Variants in MASP1 observed in about 807,000 individuals in gnomAD.
The protein encoded by MASP1 is mannan-binding lectin serine protease 1.
A neutral mutation model predicts 77.1 loss-of-function variants in MASP1; 59 were observed. That is an observed-to-expected ratio of 0.77 (90% CI 0.62 to 0.95). The LOEUF is 0.95. MASP1 is among the 40% of genes least tolerant of loss of function. The probability of loss-of-function intolerance (pLI) is 0.00; values close to 1 mark genes in which losing one functional copy is unlikely to be tolerated. For missense variants in MASP1, 885 were observed against 912.9 expected (o/e 0.97, Z 0.39); for synonymous variants, 362 against 354.5 (o/e 1.02, Z -0.24).
chr3:187,264,651 C>T (rs528685242), intron 2 of MASP1, among the ~76,000 whole-genome samples: 12 of 152,148 alleles, frequency 7.9e-5, no homozygotes, highest in Admixed American at 2.6e-4. Context: ...TAAACATTGC[C>T]GGACTATAAA....
chr3:187,246,833 A>T, intron 8 of MASP1: 1 of 997,200 alleles, frequency 1.0e-6, no homozygotes, highest in Non-Finnish European at 1.2e-6. Flanking sequence ...AAAAATCCAC[A>T]CTCTGTGAGT....
chr3:187,253,124 G>A (rs777627764), intron 6 of MASP1, 44 bp downstream of exon 6: 6 of 1,611,690 alleles, frequency 3.7e-6, no homozygotes, highest in Admixed American at 1.7e-5. Context: ...CTCTGCAAGG[G>A]CTAAGCACAG....
chr3:187,272,088 G>A (rs887272146), intron 2 of MASP1, among the ~76,000 whole-genome samples: 5 of 149,470 alleles, frequency 3.3e-5, no homozygotes, highest in Admixed American at 2.7e-4. Context: ...GAGTGAGTAG[G>A]TGGGTGTAAG....
exon 16 of MASP1, chr3:187,218,539 C>G (rs569114663): frequency 2.0e-5 from 3 of 152,592 alleles, no homozygotes; most frequent in African/African-American, 7.2e-5. Flanking sequence ...GTTTATAGAA[C>G]CAGAGGCAGG....
intron 13 of MASP1, among the ~76,000 whole-genome samples, chr3:187,224,607 A>T (rs1050311880): frequency 3.9e-5 from 6 of 151,918 alleles, no homozygotes; most frequent in Admixed American, 3.9e-4. Flanking sequence ...CGGCCTCCCA[A>T]AGTGCTGGGA....
chr3:187,217,788 A>G (rs1339430085), exon 16 of MASP1: 3 of 152,198 alleles, frequency 2.0e-5, no homozygotes, highest in Non-Finnish European at 4.4e-5. Context: ...GCCTATTTAG[A>G]CATTTTCTCA....
chr3:187,257,676 C>T (rs1022572417), intron 4 of MASP1, among the ~76,000 whole-genome samples: 4 of 152,218 alleles, frequency 2.6e-5, no homozygotes, highest in African/African-American at 7.2e-5. Context: ...TGAGCCACCT[C>T]GCCCGGCCTC....
chr3:187,254,483 A>T (rs2108547305), intron 5 of MASP1, among the ~76,000 whole-genome samples: 1 of 152,270 alleles, frequency 6.6e-6, no homozygotes, highest in South Asian at 2.1e-4. Context: ...GCAGGAATCC[A>T]GGCTGGCTGG....
chr3:187,241,705 C>G, intron 9 of MASP1, 150 bp from the exon 10 acceptor site: 1 of 638,904 alleles, frequency 1.6e-6, no homozygotes, highest in East Asian at 2.9e-5. Context: ...TGTCTCTGAG[C>G]CTAGATGTAC....
chr3:187,278,098 A>G (rs573951358), intron 2 of MASP1, among the ~76,000 whole-genome samples: 51 of 152,336 alleles, frequency 3.3e-4, no homozygotes, highest in African/African-American at 1.2e-3. Flanking sequence ...ACATTAAAGC[A>G]TTTACTTCAT....
intron 4 of MASP1, among the ~76,000 whole-genome samples, chr3:187,260,307 C>T (rs1715452018): frequency 6.6e-6 from 1 of 152,236 alleles, no homozygotes; most frequent in Admixed American, 6.5e-5. Context: ...TCCTCTCTCA[C>T]TTCTTTGCTT....
intron 2 of MASP1, among the ~76,000 whole-genome samples, chr3:187,282,398 G>A (rs530983013): frequency 2.6e-5 from 4 of 151,812 alleles, no homozygotes; most frequent in Non-Finnish European, 5.9e-5. Flanking sequence ...TCAGGAGGCT[G>A]AGGCAGGGGA....
At chr3:187,291,240 C>T (rs1477275074) in intron 1 of MASP1, 2 of 352,752 alleles carry the variant, frequency 5.7e-6, no homozygotes, top group Non-Finnish European at 1.1e-5. Flanking sequence ...ACATATCTAA[C>T]TCACAAAGTG....
At chr3:187,231,107 A>G (rs1007781277), downstream of MASP1, among the ~76,000 whole-genome samples, 2 of 152,234 alleles carry the variant, frequency 1.3e-5, no homozygotes, top group African/African-American at 2.4e-5. Context: ...TCAGAGCCCA[A>G]TGAGTGGGAA....
At chr3:187,252,803 T>C (rs1045207101) in intron 6 of MASP1, among the ~76,000 whole-genome samples, 1 of 152,284 alleles carries the variant, frequency 6.6e-6, no homozygotes, top group Admixed American at 6.5e-5. Flanking sequence ...CACATCCAAA[T>C]TCTAGCCCTA....
rs1234341360 is a variant in MASP1 at position 187,234,096 on chromosome 3, G to C, written c.*1588C>G. 1 of 1,274,584 alleles carries C rather than the reference G, an allele frequency of 7.8e-7. No homozygotes were observed. The highest frequency in any genetic ancestry group is 5.6e-5 in the East Asian group (1 of 17,806). The allele number at this position is 1,274,584 out of a possible 1,614,324, so 79.0% of individuals were successfully genotyped here. A position where few individuals can be genotyped will look rare whatever the true frequency, so the allele number is the denominator to read the frequency against. On this transcript the variant is annotated 3_prime_UTR_variant, in exon 11 of 11. Coordinates refer to ENST00000296280, the MANE Select transcript of MASP1 (RefSeq NM_139125.4). The stretch of plus-strand genomic sequence containing the variant: ...TAAGCCAAGGCTGTTGGTTATCCAC[G>C]AGGGTTTATTTCCACTTGAGACCCC...
chr3:187,236,240 T>A lies in MASP1; in HGVS notation c.1631A>T (p.Asp544Val), dbSNP rs139287271. Reference protein sequence around the residue: ...SSAARVVLHPDFNIQNYNHDI... With the variant: ...SSAARVVLHPVFNIQNYNHDI... ...GTGGTTGTAGTTTTGGATGTTGAAG[T>A]CTGGGTGGAGCACCACTCGGGCAGC... The change falls in exon 11 of 11, where the codon GAC becomes GTC. Residue 544 changes from aspartate (D) to valine (V), a missense_variant. Coordinates refer to ENST00000296280, the MANE Select transcript of MASP1 (RefSeq NM_139125.4). 18 of 1,614,108 alleles carry A rather than the reference T, an allele frequency of 1.1e-5. No individual in the cohort carries two copies. In the African/African-American group the frequency reaches 1.6e-4, roughly 14 times the overall value.
chr3:187,223,082 C>T (rs1400023794), intron 14 of MASP1: 4 of 1,519,248 alleles, frequency 2.6e-6, no homozygotes, highest in Non-Finnish European at 3.7e-6. Flanking sequence ...AGGCCCAGTG[C>T]AGAGCTGAGG....
At chr3:187,261,947 T>C (rs578236039) in intron 3 of MASP1, among the ~76,000 whole-genome samples, 3 of 152,262 alleles carry the variant, frequency 2.0e-5, no homozygotes, top group Non-Finnish European at 4.4e-5. Context: ...AAAAACATTA[T>C]GCTGAGTAAA....
Sources: gnomAD v4.1 joint callset for allele counts (sites outside exome capture counted in the v4.1 genomes callset) on GRCh38, gnomAD v4.1.1 for gene constraint, MANE v1.5 for transcripts, NCBI Gene and HGNC (gene_info 2026-07-23, HGNC 2026-07-21) for gene names.